NCOA2: variants seen among roughly 807,000 people sequenced by gnomAD.
NCOA2 encodes the protein nuclear receptor coactivator 2, also known as class E basic helix-loop-helix protein 75.
In NCOA2, 21 loss-of-function variants were observed where a neutral mutation model predicts 145.1. That is an observed-to-expected ratio of 0.14 (90% CI 0.10 to 0.21). The LOEUF (loss-of-function observed/expected upper bound fraction) is 0.21, where lower values mean the gene tolerates loss of function less well. Among genes scored for constraint, NCOA2 ranks in the 10% least tolerant of loss-of-function variants. The pLI is 1.00. For missense variants in NCOA2, 1,472 were observed against 1,837.6 expected (o/e 0.80, Z 3.64); for synonymous variants, 619 against 637.5 (o/e 0.97, Z 0.44).
chr8:70,431,567 T>G, the NCOA2 span, among the ~76,000 whole-genome samples: 3 of 152,376 alleles, frequency 2.0e-5, no homozygotes, highest in African/African-American at 7.2e-5. Flanking sequence ...GTGGTTGTAC[T>G]AAAATGTTTT....
intron 1 of NCOA2, among the ~76,000 whole-genome samples, chr8:70,314,302 T>C (rs928562269): frequency 6.6e-6 from 1 of 151,162 alleles, no homozygotes; most frequent in African/African-American, 2.4e-5. Flanking sequence ...AAGTACAGTA[T>C]GCTTCACCAA....
chr8:70,381,370 A>C (rs938842359), intron 1 of NCOA2, among the ~76,000 whole-genome samples: 1 of 152,204 alleles, frequency 6.6e-6, no homozygotes, highest in African/African-American at 2.4e-5. Flanking sequence ...TCCTAATCTT[A>C]ACTCGATTAT....
At position 70,210,540 on chromosome 8, in the gene NCOA2, T is replaced by A. The variant is rs185679249; in HGVS notation, c.259+3363A>T. On this transcript the variant is annotated intron_variant, in intron 4 of 22. Coordinates refer to ENST00000452400, the MANE Select transcript of NCOA2 (RefSeq NM_006540.4). ...AGGGCTAGCGTTTATGAAACACGGG[T>A]CTCATAAAGCGCTACGTACAACAGA... Among the ~76,000 whole-genome samples the A allele has an allele frequency of 3.3e-5, 5 of 152,256 alleles. No homozygotes were observed. The East Asian group carries it at 9.6e-4, about 29-fold the overall frequency.
At chr8:70,407,554 C>A (rs986719210), upstream of NCOA2, among the ~76,000 whole-genome samples, 1 of 150,984 alleles carries the variant, frequency 6.6e-6, no homozygotes, top group Non-Finnish European at 1.5e-5. Context: ...TTTGGGAGGC[C>A]GAGGCAGGCA....
intron 1 of NCOA2, among the ~76,000 whole-genome samples, chr8:70,309,157 A>G (rs1338172373): frequency 6.6e-6 from 1 of 152,164 alleles, no homozygotes; most frequent in African/African-American, 2.4e-5. Context: ...TTAAATGCCC[A>G]GCCAGGCCCC....
At chr8:70,318,522 T>C (rs1394728848) in intron 1 of NCOA2, among the ~76,000 whole-genome samples, 2 of 152,106 alleles carry the variant, frequency 1.3e-5, no homozygotes, top group Non-Finnish European at 2.9e-5. Context: ...TCCCAGCACT[T>C]TGGGAGGCAA....
At position 70,155,847 on chromosome 8, in the gene NCOA2, A is replaced by T; in HGVS notation, c.2394+124T>A. 5 of 767,288 alleles carry T rather than the reference A, an allele frequency of 6.5e-6. No homozygotes were observed. In the South Asian group the frequency reaches 1.1e-4, roughly 17 times the overall value. 47.5% of individuals were successfully genotyped at this position (767,288 alleles called of 1,614,324 possible). ...ACACAGCTTCAGCGAGATTTTCAAG[A>T]TAAGAACAACAAAGGAGAAAGCTTA... is the stretch of plus-strand genomic sequence containing the variant. On this transcript the variant is annotated intron_variant, in intron 11 of 22. Transcript: ENST00000452400.
the NCOA2 span, among the ~76,000 whole-genome samples, chr8:70,438,453 T>C: frequency 6.6e-6 from 1 of 152,200 alleles, no homozygotes; most frequent in Non-Finnish European, 1.5e-5. Flanking sequence ...TAACCCAATA[T>C]ATTATACTGA....
rs1184285130 is a variant in NCOA2, at chr8:70,166,547, C to T, written c.730+19G>A. 1 of 1,613,234 alleles carries T rather than the reference C, an allele frequency of 6.2e-7. No homozygotes were observed. The highest frequency in any genetic ancestry group is 1.3e-5 in the African/African-American group (1 of 74,890). On this transcript the variant is annotated intron_variant, in intron 7 of 22. Coordinates refer to ENST00000452400, the MANE Select transcript of NCOA2 (RefSeq NM_006540.4). Reference sequence around the variant, plus strand: ...ATAAATACACAGACACACAGAACACCCTAGGGATTCTGTCCCACCTTCTCC... The same window carrying T: ...ATAAATACACAGACACACAGAACACTCTAGGGATTCTGTCCCACCTTCTCC...
intron 1 of NCOA2, among the ~76,000 whole-genome samples, chr8:70,356,601 AC>A (rs1809718709): frequency 6.6e-6 from 1 of 152,190 alleles, no homozygotes; most frequent in South Asian, 2.1e-4. Flanking sequence ...TTCCTAAAAA[AC>A]AAGCAGATCA....
At chr8:70,178,466 G>C (rs1013373057) in intron 4 of NCOA2, among the ~76,000 whole-genome samples, 1 of 152,228 alleles carries the variant, frequency 6.6e-6, no homozygotes, top group Non-Finnish European at 1.5e-5. Context: ...GCTAACACCA[G>C]TAATGGAGAA....
In NCOA2 at chr8:70,142,674, G is replaced by GGGTGACAA. The variant is rs200036530; in HGVS notation, c.2813-1283_2813-1276dup. Among the ~76,000 whole-genome samples the GGGTGACAA allele has an allele frequency of 3.8e-3, 582 of 152,204 alleles. 7 individuals carry two copies. Among genetic ancestry groups the GGGTGACAA allele is most frequent in the African/African-American group, 0.013 (558 of 41,532 alleles). On this transcript the variant is annotated intron_variant, in intron 13 of 22. Transcript: ENST00000452400. ...TGATTGAGCCACTGCACTCCAGCCTGGGTGACAAAGTAAGACTCTGTCTCA... is the reference window on the plus strand; with the variant it reads ...TGATTGAGCCACTGCACTCCAGCCTGGGTGACAAGGTGACAAAGTAAGACTCTGTCTCA...
chr8:70,449,890 G>A, the NCOA2 span, among the ~76,000 whole-genome samples: 2 of 152,212 alleles, frequency 1.3e-5, no homozygotes. Flanking sequence ...ACAAATTAAG[G>A]GCTAATTTCC....
At chr8:70,393,057 T>A (rs1425087319) in intron 1 of NCOA2, among the ~76,000 whole-genome samples, 1 of 152,052 alleles carries the variant, frequency 6.6e-6, no homozygotes, top group Non-Finnish European at 1.5e-5. Flanking sequence ...CTCCCCTCAC[T>A]CCTTCCAAGG....
intron 2 of NCOA2, among the ~76,000 whole-genome samples, chr8:70,245,991 T>A (rs536970980): frequency 6.6e-6 from 1 of 152,148 alleles, no homozygotes; most frequent in African/African-American, 2.4e-5. Context: ...TATATCCTTA[T>A]TAAGTAATTT....
intron 2 of NCOA2, among the ~76,000 whole-genome samples, chr8:70,287,340 T>A (rs1826306697): frequency 6.6e-6 from 1 of 152,168 alleles, no homozygotes; most frequent in African/African-American, 2.4e-5. Flanking sequence ...TTCTCTTTTT[T>A]AAATTTTTTT....
chr8:70,159,706 CG>C, intron 9 of NCOA2, 54 bp from the exon 10 acceptor site: 1 of 1,519,620 alleles, frequency 6.6e-7, no homozygotes, highest in Non-Finnish European at 9.0e-7. Flanking sequence ...ATTGAGGGGT[CG>C]GGGAGGACAA....
intron 2 of NCOA2, among the ~76,000 whole-genome samples, chr8:70,229,108 T>C (rs1405277466): frequency 1.3e-5 from 2 of 152,254 alleles, no homozygotes; most frequent in African/African-American, 4.8e-5. Context: ...AGGTCTCTTT[T>C]GGTATTAAAA....
chr8:70,308,548 A>C (rs1410616505), intron 1 of NCOA2, among the ~76,000 whole-genome samples: 1 of 152,160 alleles, frequency 6.6e-6, no homozygotes, highest in African/African-American at 2.4e-5. Context: ...ATAGATATAG[A>C]TACATAGTTA....
Sources: allele counts gnomAD v4.1 joint callset (sites outside exome capture counted in the v4.1 genomes callset), GRCh38; gene constraint gnomAD v4.1.1; transcripts MANE v1.5; gene names NCBI Gene and HGNC (gene_info 2026-07-23, HGNC 2026-07-21).